The following ANKRD17 variants were observed in gnomAD, a reference collection of about 807,000 sequenced individuals.
The protein encoded by ANKRD17 is ankyrin repeat domain 17, also known as ankyrin repeat domain-containing protein 17.
ANKRD17 carries 19 observed loss-of-function variants against 229.7 expected under a neutral mutation model. The observed-to-expected ratio is 0.08, with a 90% CI of 0.06 to 0.12. The LOEUF (loss-of-function observed/expected upper bound fraction) is 0.12, where lower values mean the gene tolerates loss of function less well. Among genes scored for constraint, ANKRD17 ranks in the 10% least tolerant of loss-of-function variants. ANKRD17 has a pLI of 1.00. For synonymous variants in ANKRD17, 1,112 were observed against 1,146.1 expected (o/e 0.97, Z 0.60); for missense variants, 2,176 against 3,176.8 (o/e 0.68, Z 7.57).
chr4:73,095,459 G>A (rs756795688), intron 27 of ANKRD17, among the ~76,000 whole-genome samples: 22 of 148,670 alleles, frequency 1.5e-4, no homozygotes, highest in East Asian at 8.2e-4. Flanking sequence ...AAAATTACCC[G>A]GGCATGGTGG....
chr4:73,258,657 C>A lies in ANKRD17; in HGVS notation c.12G>T (p.Ala4=). 6.8e-7 allele frequency: 1 copy of A among 1,481,328 alleles called. No homozygotes were observed. Among genetic ancestry groups the A allele is most frequent in the Non-Finnish European group, 8.9e-7 (1 of 1,124,914 alleles). The allele number at this position is 1,481,328 out of a possible 1,614,324, so 91.8% of individuals were successfully genotyped here. Residue 4 remains alanine (A), a synonymous_variant, in exon 1 of 34, where the codon GCG becomes GCT. Transcript: ENST00000358602. ...CCGTCGCCGCCGCCACCGGAACCGT[C>A]GCCTTCTCCATCCCCAGGGAAAGAG... The part of the protein sequence containing the change: MEK[A]TVPVAAATAA...
At chr4:73,102,724 C>T (rs912185194) in intron 24 of ANKRD17, 177 bp from the exon 25 acceptor site, 11 of 610,630 alleles carry the variant, frequency 1.8e-5, no homozygotes, top group African/African-American at 1.6e-4. Flanking sequence ...AATATTTTTA[C>T]AATATCAAGA....
At position 73,125,326 on chromosome 4, in the gene ANKRD17, T is replaced by C. The variant is rs1014336331; in HGVS notation, c.3235-14A>G. On this transcript the variant is annotated splice_polypyrimidine_tract_variant and intron_variant, in intron 16 of 33. Transcript: ENST00000358602. The stretch of plus-strand genomic sequence containing the variant: ...ATTACTCTCAGTCTATAAGAAATTA[T>C]TTTTTGGTTAGTTTATTAAATAACT... 8 of 1,554,460 alleles carry C rather than the reference T, an allele frequency of 5.1e-6. No individual in the cohort carries two copies. The highest frequency in any genetic ancestry group is 7.0e-6 in the Non-Finnish European group (8 of 1,144,326).
intron 24 of ANKRD17, chr4:73,112,943 A>G (rs966917247): frequency 1.5e-5 from 6 of 398,446 alleles, no homozygotes; most frequent in Non-Finnish European, 2.2e-5. Flanking sequence ...ATGCACCACC[A>G]CGTCCGGCTA....
intron 29 of ANKRD17, among the ~76,000 whole-genome samples, chr4:73,087,173 T>C (rs974805715): frequency 5.3e-5 from 8 of 151,062 alleles, no homozygotes; most frequent in Non-Finnish European, 1.2e-4. Flanking sequence ...CCAGCCTCCA[T>C]CTACTGGGCT....
intron 1 of ANKRD17, among the ~76,000 whole-genome samples, chr4:73,233,874 A>G (rs1743284074): frequency 6.6e-6 from 1 of 151,878 alleles, no homozygotes; most frequent in Admixed American, 6.6e-5. Flanking sequence ...GATTTTCCGT[A>G]TTTTTTCCCT....
intron 15 of ANKRD17, among the ~76,000 whole-genome samples, chr4:73,137,936 T>C (rs2148800855): frequency 6.6e-6 from 1 of 152,288 alleles, no homozygotes; most frequent in South Asian, 2.1e-4. Flanking sequence ...TTGACAACTA[T>C]GCATGCCCAA....
chr4:73,191,339 ATATGTGTGTGTGTG>A (rs1737050978), intron 1 of ANKRD17, among the ~76,000 whole-genome samples: 1 of 60,848 alleles, frequency 1.6e-5, no homozygotes, highest in African/African-American at 5.1e-5. Flanking sequence ...CAAAAAATAT[ATATGTGTGTGTGTG>A]TGTGTGTGTG....
chr4:73,082,488 C>T (rs1281483340), intron 30 of ANKRD17, among the ~76,000 whole-genome samples: 6 of 151,700 alleles, frequency 4.0e-5, no homozygotes, highest in Non-Finnish European at 7.4e-5. Flanking sequence ...AGACAGAACT[C>T]GTGAGAAGAA....
Position 73,155,653 on chromosome 4 carries a change from A to T in ANKRD17, c.978T>A (p.Asp326Glu). The change falls in exon 5 of 34, where the codon GAT (aspartate) becomes GAA (glutamate). Residue 326 changes from aspartate (D) to glutamate (E), a missense_variant. By Grantham distance (45) the Asp-to-Glu change is conservative (BLOSUM62 2). Around this residue, in one of 18 missense-constraint regions of ANKRD17, gnomAD observed 184 missense variants for 357.8 expected, o/e 0.51. Coordinates refer to ENST00000358602, the MANE Select transcript of ANKRD17 (RefSeq NM_032217.5). ...IVKLLLAHKA[D>E]VNAQSSTGNT... Reference sequence around the variant, plus strand: ...GACCTGTTGAAGACTGTGCATTAACATCTGCTTTATGAGCTAGCAGCAACT... The same window carrying T: ...GACCTGTTGAAGACTGTGCATTAACTTCTGCTTTATGAGCTAGCAGCAACT... 6.2e-7 allele frequency: 1 copy of T among 1,614,144 alleles called. No individual in the cohort carries two copies. The highest frequency in any genetic ancestry group is 8.5e-7 in the Non-Finnish European group (1 of 1,180,022).
At chr4:73,109,760 C>T (rs978671105) in intron 24 of ANKRD17, among the ~76,000 whole-genome samples, 1 of 151,802 alleles carries the variant, frequency 6.6e-6, no homozygotes, top group African/African-American at 2.4e-5. Flanking sequence ...TTTTTCTCGA[C>T]ACGTTTAGTT....
chr4:73,097,434 C>CA (rs1363468036), intron 26 of ANKRD17, among the ~76,000 whole-genome samples, 162 bp from the exon 27 acceptor site: 2 of 132,056 alleles, frequency 1.5e-5, no homozygotes, highest in Non-Finnish European at 3.1e-5. Context: ...TATAGAGAGC[C>CA]TTTTTTTTTT....
intron 1 of ANKRD17, among the ~76,000 whole-genome samples, chr4:73,184,549 AAAAAG>A (rs1382365306): frequency 1.3e-5 from 2 of 150,420 alleles, no homozygotes; most frequent in Non-Finnish European, 3.0e-5. Context: ...AAAAAAAAAA[AAAAAG>A]AAAAGAAAAC....
chr4:73,258,235 C>T (rs368868653), intron 1 of ANKRD17, 41 bp downstream of exon 1: 5 of 1,612,686 alleles, frequency 3.1e-6, no homozygotes, highest in Non-Finnish European at 4.2e-6. Flanking sequence ...CTATCCCTTA[C>T]AGTCCCTTCC....
chr4:73,224,789 C>T (rs1315667657), intron 1 of ANKRD17, among the ~76,000 whole-genome samples: 4 of 152,110 alleles, frequency 2.6e-5, no homozygotes, highest in Non-Finnish European at 5.9e-5. Flanking sequence ...TCAAGCTAAG[C>T]TAATTAAGTT....
In ANKRD17 at chr4:73,149,063, C is replaced by A; in HGVS notation, c.1330-13G>T. ...CAACATGGCCATCCTAATGATAATA[C>A]AATTTAAAAAATTAAATCAGCACCA... is the stretch of plus-strand genomic sequence containing the variant. On this transcript the variant is annotated splice_polypyrimidine_tract_variant and intron_variant, in intron 7 of 33. Coordinates refer to ENST00000358602, the MANE Select transcript of ANKRD17 (RefSeq NM_032217.5). 1 of 1,600,208 alleles carries A rather than the reference C, an allele frequency of 6.2e-7. No homozygotes were observed. The highest frequency in any genetic ancestry group is 1.1e-5 in the South Asian group (1 of 89,486).
chr4:73,254,685 T>C (rs1406411385), intron 1 of ANKRD17, among the ~76,000 whole-genome samples: 1 of 151,894 alleles, frequency 6.6e-6, no homozygotes, highest in Non-Finnish European at 1.5e-5. Context: ...GGAAAATCAT[T>C]TGAACCCGGG....
At chr4:73,251,128 C>A (rs1474512692) in intron 1 of ANKRD17, among the ~76,000 whole-genome samples, 7 of 152,050 alleles carry the variant, frequency 4.6e-5, no homozygotes, top group African/African-American at 1.7e-4. Flanking sequence ...AAAGTTGACT[C>A]CTTTAAAAGA....
intron 1 of ANKRD17, among the ~76,000 whole-genome samples, chr4:73,248,616 A>G (rs1744713665): frequency 6.6e-6 from 1 of 152,068 alleles, no homozygotes; most frequent in South Asian, 2.1e-4. Flanking sequence ...ATCATAGCTA[A>G]TAAGATTAGA....
Sources: gnomAD v4.1 joint callset for allele counts (sites outside exome capture counted in the v4.1 genomes callset) on GRCh38, gnomAD v4.1.1 for gene constraint, gnomAD v4.1.1 regional missense constraint, MANE v1.5 for transcripts, NCBI Gene and HGNC (gene_info 2026-07-23, HGNC 2026-07-21) for gene names.